NEDD9: variants seen among roughly 807,000 people sequenced by gnomAD.
NEDD9 encodes enhancer of filamentation 1.
NEDD9 carries 26 observed loss-of-function variants against 76.6 expected under a neutral mutation model. That is an observed-to-expected ratio of 0.34 (90% CI 0.25 to 0.47). The LOEUF is 0.47. Among genes scored for constraint, NEDD9 ranks in the 20% least tolerant of loss-of-function variants. The probability of loss-of-function intolerance (pLI) is 1.00; values close to 1 mark genes in which losing one functional copy is unlikely to be tolerated. For synonymous variants in NEDD9, 392 were observed against 414.2 expected (o/e 0.95, Z 0.65); for missense variants, 937 against 1,058.5 (o/e 0.89, Z 1.59).
At chr6:11,303,630 GA>G (rs1265824807) in intron 3 of NEDD9, among the ~76,000 whole-genome samples, 1 of 152,112 alleles carries the variant, frequency 6.6e-6, no homozygotes, top group Non-Finnish European at 1.5e-5. Context: ...CAATGGAACA[GA>G]ACAGAGGCCT....
chr6:11,228,120 G>A (rs1759362467), intron 1 of NEDD9, among the ~76,000 whole-genome samples: 1 of 151,634 alleles, frequency 6.6e-6, no homozygotes, highest in Non-Finnish European at 1.5e-5. Flanking sequence ...GGGAGTAGGG[G>A]GTTGGAAGTA....
chr6:11,232,674 C>T (rs1351854847), upstream of NEDD9: 2 of 1,507,218 alleles, frequency 1.3e-6, no homozygotes, highest in Non-Finnish European at 1.8e-6. Context: ...TCTCTGAGCT[C>T]ACTGTTGTGA....
intron 2 of NEDD9, among the ~76,000 whole-genome samples, chr6:11,331,007 A>G (rs527741659): frequency 4.6e-4 from 70 of 152,318 alleles, no homozygotes; most frequent in African/African-American, 1.7e-3. Context: ...GACTCTAGAG[A>G]AGAAAGTCAG....
At chr6:11,302,219 C>T (rs1307702974) in intron 3 of NEDD9, among the ~76,000 whole-genome samples, 1 of 152,154 alleles carries the variant, frequency 6.6e-6, no homozygotes, top group African/African-American at 2.4e-5. Flanking sequence ...AAACTACCAT[C>T]AGAGAATACT....
At chr6:11,328,039 CAA>C in intron 2 of NEDD9, among the ~76,000 whole-genome samples, 1 of 152,334 alleles carries the variant, frequency 6.6e-6, no homozygotes, top group East Asian at 1.9e-4. Flanking sequence ...TCTGCAGAAT[CAA>C]AGAGTGAAAT....
At chr6:11,342,360 G>C (rs1762290472) in intron 1 of NEDD9, among the ~76,000 whole-genome samples, 1 of 152,014 alleles carries the variant, frequency 6.6e-6, no homozygotes, top group African/African-American at 2.4e-5. Flanking sequence ...GAAGATAAAG[G>C]AAGCCCCACC....
intron 1 of NEDD9, among the ~76,000 whole-genome samples, chr6:11,339,662 A>G (rs1276553063): frequency 6.6e-6 from 1 of 152,208 alleles, no homozygotes; most frequent in Admixed American, 6.5e-5. Flanking sequence ...GTGAGACAAC[A>G]TTCATTAATC....
chr6:11,357,265 T>C (rs1762595506), intron 1 of NEDD9, among the ~76,000 whole-genome samples: 1 of 152,158 alleles, frequency 6.6e-6, no homozygotes, highest in Non-Finnish European at 1.5e-5. Context: ...AAGCCCCAAA[T>C]GACCACTCCA....
chr6:11,192,553 G>T, intron 3 of NEDD9, 107 bp from the exon 4 acceptor site: 3 of 743,310 alleles, frequency 4.0e-6, no homozygotes, highest in Non-Finnish European at 6.6e-6. Context: ...TTATGTACAA[G>T]CTTGATCTTT....
At chr6:11,205,325 G>T (rs1758576704) in intron 2 of NEDD9, among the ~76,000 whole-genome samples, 1 of 152,194 alleles carries the variant, frequency 6.6e-6, no homozygotes, top group Non-Finnish European at 1.5e-5. Flanking sequence ...GCGCCTTGGG[G>T]TCACCCCCAC....
At chr6:11,251,473 G>C (rs1055574736) in intron 3 of NEDD9, 1 of 152,172 alleles carries the variant, frequency 6.6e-6, no homozygotes, top group Admixed American at 6.5e-5. Context: ...CCTCGGTCAC[G>C]GTCATGGTTT....
In NEDD9 at chr6:11,237,796, G is replaced by C. The variant is rs549252195; in HGVS notation, c.13-24069C>G. Among the ~76,000 whole-genome samples the C allele has an allele frequency of 6.6e-6, 1 of 152,268 alleles. No individual in the cohort carries two copies. Among genetic ancestry groups the C allele is most frequent in the East Asian group, 1.9e-4 (1 of 5,184 alleles). Reference sequence around the variant, plus strand: ...GTTTGCCGACCCACACTCTAGATTAGTGCAAGGTACATCTATGCCTGAGTT... The same window carrying C: ...GTTTGCCGACCCACACTCTAGATTACTGCAAGGTACATCTATGCCTGAGTT... On this transcript the variant is annotated intron_variant, in intron 3 of 3. Transcript: ENST00000397378. The surrounding 1 kb of genome is among the most constrained non-coding windows in gnomAD (Gnocchi z 4.9).
intron 1 of NEDD9, among the ~76,000 whole-genome samples, chr6:11,351,987 C>T (rs1762481229): frequency 6.6e-6 from 1 of 152,212 alleles, no homozygotes; most frequent in Non-Finnish European, 1.5e-5. Flanking sequence ...TGAGGTTTCT[C>T]CAGTGGTCCA....
chr6:11,259,971 C>T (rs55971206), intron 3 of NEDD9, among the ~76,000 whole-genome samples: 17,714 of 150,136 alleles, frequency 0.12, 1,210 homozygotes, highest in Middle Eastern at 0.16. Flanking sequence ...GACACACACC[C>T]CACCACAGAA....
At chr6:11,215,054 C>T (rs1348061756) in intron 1 of NEDD9, among the ~76,000 whole-genome samples, 2 of 152,190 alleles carry the variant, frequency 1.3e-5, no homozygotes, top group Non-Finnish European at 2.9e-5. Context: ...ACTCGCGTCC[C>T]CTTGTGCTAG....
intron 1 of NEDD9, among the ~76,000 whole-genome samples, chr6:11,367,624 G>A (rs907411070): frequency 1.3e-5 from 2 of 152,164 alleles, no homozygotes; most frequent in Non-Finnish European, 2.9e-5. Flanking sequence ...GATACAGACT[G>A]TCATTAGGTT....
intron 2 of NEDD9, among the ~76,000 whole-genome samples, chr6:11,212,971 G>T (rs1006028978): frequency 6.6e-6 from 1 of 152,244 alleles, no homozygotes; most frequent in Admixed American, 6.5e-5. Context: ...TGAGCACAGA[G>T]TGAAGGCTTA....
chr6:11,233,489 G>T (rs747192872), upstream of NEDD9: 3 of 518,722 alleles, frequency 5.8e-6, no homozygotes, highest in South Asian at 1.4e-5. Flanking sequence ...GTTCTTTGAC[G>T]GCTGGCATTT....
chr6:11,203,824 C>CCTG, intron 2 of NEDD9, among the ~76,000 whole-genome samples: 1 of 152,258 alleles, frequency 6.6e-6, no homozygotes, highest in South Asian at 2.1e-4. Flanking sequence ...CCTGCCTGCT[C>CCTG]CTGCTGTCTT....
Sources: gnomAD v4.1 joint callset for allele counts (sites outside exome capture counted in the v4.1 genomes callset) on GRCh38, gnomAD v4.1.1 for gene constraint, Gnocchi (gnomAD v3.1) non-coding constraint, MANE v1.5 for transcripts, NCBI Gene and HGNC (gene_info 2026-07-23, HGNC 2026-07-21) for gene names.